Variants in SVIL observed in about 807,000 individuals in gnomAD.
SVIL encodes archvillin.
SVIL carries 101 observed loss-of-function variants against 240.4 expected under a neutral mutation model. The observed-to-expected ratio is 0.42, with a 90% CI of 0.36 to 0.50. SVIL has a LOEUF of 0.50. Among genes scored for constraint, SVIL ranks in the 20% least tolerant of loss-of-function variants. SVIL has a pLI of 0.01. For synonymous variants in SVIL, 999 were observed against 1,100.0 expected (o/e 0.91, Z 1.82); for missense variants, 2,512 against 2,818.7 (o/e 0.89, Z 2.46).
intron 1 of SVIL, among the ~76,000 whole-genome samples, chr10:29,582,426 A>G (rs1311642987): frequency 2.0e-5 from 3 of 152,080 alleles, no homozygotes; most frequent in Admixed American, 6.6e-5. Context: ...TTAAACAATG[A>G]TGTGACGAAT....
intron 2 of SVIL, among the ~76,000 whole-genome samples, chr10:29,678,627 T>C (rs941774726): frequency 6.6e-6 from 1 of 152,234 alleles, no homozygotes; most frequent in African/African-American, 2.4e-5. Context: ...GGCAGGTGTA[T>C]GTTGATTTAG....
intron 1 of SVIL, among the ~76,000 whole-genome samples, chr10:29,618,256 C>T (rs900451791): frequency 1.3e-5 from 2 of 152,148 alleles, no homozygotes; most frequent in Admixed American, 6.5e-5. Context: ...GACCTCAACT[C>T]GTAATTTTTG....
chr10:29,628,802 A>T (rs747564079), intron 1 of SVIL, among the ~76,000 whole-genome samples: 32 of 152,182 alleles, frequency 2.1e-4, no homozygotes, highest in Non-Finnish European at 4.0e-4. Context: ...AGGATTTTTT[A>T]AAAAATCTTA....
chr10:29,550,645 C>T lies in SVIL; in HGVS notation c.779G>A (p.Arg260Gln), dbSNP rs763834130. 13 of 1,613,570 alleles carry T rather than the reference C, an allele frequency of 8.1e-6. No homozygotes were observed. The highest frequency in any genetic ancestry group is 6.7e-5 in the East Asian group (3 of 44,854). ...CTGTGGGTCACCAAAGGAGGGGCTC[C>T]GGGAGGCTGCCTGCTGCAGGGAGGA... ...HSSSLQQAASRSPSFGDPQLS... is the reference protein window; with the variant it reads ...HSSSLQQAASQSPSFGDPQLS... The change falls in exon 6 of 38, where the codon CGG (arginine) becomes CAG (glutamine). Residue 260 changes from arginine to glutamine, a missense_variant. By Grantham distance (43) the Arg-to-Gln change is conservative. Around this residue, in one of 3 missense-constraint regions of SVIL, gnomAD observed 1,443 missense variants for 1,486.6 expected, o/e 0.97. Coordinates refer to ENST00000355867, the MANE Select transcript of SVIL (RefSeq NM_021738.3).
intron 1 of SVIL, among the ~76,000 whole-genome samples, chr10:29,708,440 GT>G (rs1340643846): frequency 5.3e-5 from 8 of 151,320 alleles, no homozygotes; most frequent in African/African-American, 1.9e-4. Flanking sequence ...GGCCAACATG[GT>G]GAAACCCTGT....
chr10:29,628,852 A>G (rs1176366013), intron 1 of SVIL, among the ~76,000 whole-genome samples: 4 of 152,230 alleles, frequency 2.6e-5, no homozygotes, highest in Non-Finnish European at 5.9e-5. Flanking sequence ...GCAAAGAGAC[A>G]GAAAATGATT....
intron 1 of SVIL, among the ~76,000 whole-genome samples, chr10:29,704,860 G>A (rs903710759): frequency 5.9e-5 from 9 of 152,226 alleles, no homozygotes; most frequent in East Asian, 1.9e-4. Flanking sequence ...GAGTCCTGGG[G>A]ATTTTCAGGG....
At chr10:29,712,395 G>A (rs1963352894) in intron 1 of SVIL, among the ~76,000 whole-genome samples, 3 of 152,236 alleles carry the variant, frequency 2.0e-5, no homozygotes, top group South Asian at 2.1e-4. Context: ...AAGAGCCTGC[G>A]ACCTTAGCTG....
At chr10:29,727,795 C>A (rs1383752712) in intron 1 of SVIL, among the ~76,000 whole-genome samples, 2 of 150,828 alleles carry the variant, frequency 1.3e-5, no homozygotes, top group Non-Finnish European at 3.0e-5. Flanking sequence ...TATATTTTTG[C>A]AGGGAACAAG....
intron 6 of SVIL, chr10:29,545,185 C>G (rs1410473): frequency 0.34 from 167,236 of 487,356 alleles, 29,392 homozygotes; most frequent in Admixed American, 0.4. Flanking sequence ...ACTAAAATCT[C>G]TCATCAGGAG....
At chr10:29,686,497 C>T (rs1235653393) in intron 2 of SVIL, 5 of 152,218 alleles carry the variant, frequency 3.3e-5, no homozygotes, top group Non-Finnish European at 7.3e-5. Context: ...TTTGCTGCTA[C>T]TGCAGCTGAA....
At chr10:29,720,630 A>C (rs1963914107) in intron 1 of SVIL, among the ~76,000 whole-genome samples, 1 of 152,244 alleles carries the variant, frequency 6.6e-6, no homozygotes, top group African/African-American at 2.4e-5. Context: ...TAAATACATA[A>C]GAGCTTTCTC....
intron 2 of SVIL, among the ~76,000 whole-genome samples, chr10:29,671,265 TCTC>T (rs1454277153): frequency 3.9e-5 from 6 of 152,102 alleles, no homozygotes; most frequent in South Asian, 4.1e-4. Flanking sequence ...AAGAGAAAAA[TCTC>T]CTCTTAGTCA....
At chr10:29,508,989 T>C (rs1405926201) in intron 17 of SVIL, among the ~76,000 whole-genome samples, 1 of 152,208 alleles carries the variant, frequency 6.6e-6, no homozygotes, top group Non-Finnish European at 1.5e-5. Flanking sequence ...TGAAAATAAA[T>C]ACATAACTGA....
chr10:29,732,043 C>T (rs1169797444), intron 1 of SVIL, among the ~76,000 whole-genome samples: 1 of 152,230 alleles, frequency 6.6e-6, no homozygotes, highest in Non-Finnish European at 1.5e-5. Flanking sequence ...TGGAGTGCAA[C>T]AAGTGGCTAC....
At chr10:29,470,559 G>T in intron 31 of SVIL, 76 bp from the exon 32 acceptor site, 1 of 1,546,888 alleles carries the variant, frequency 6.5e-7, no homozygotes, top group Non-Finnish European at 8.8e-7. Context: ...CCTAGTGTCC[G>T]CTGTGTCGTC....
At chr10:29,694,231 C>CA (rs61095076) in intron 1 of SVIL, among the ~76,000 whole-genome samples, 41,402 of 99,664 alleles carry the variant, frequency 0.42, 7,484 homozygotes, top group Admixed American at 0.5. Context: ...CTGTGTCTAC[C>CA]AAAAAAAAAA....
At chr10:29,607,497 T>C (rs964247613) in intron 1 of SVIL, among the ~76,000 whole-genome samples, 1 of 143,864 alleles carries the variant, frequency 7.0e-6, no homozygotes, top group South Asian at 2.3e-4. Context: ...ATTTAGAACA[T>C]GATTTTTTTT....
At chr10:29,506,995 T>G (rs185725309) in intron 17 of SVIL, among the ~76,000 whole-genome samples, 2 of 152,262 alleles carry the variant, frequency 1.3e-5, no homozygotes, top group Admixed American at 1.3e-4. Context: ...AAACCAGCCA[T>G]TCCTATTTTT....
Sources: allele counts gnomAD v4.1 joint callset (sites outside exome capture counted in the v4.1 genomes callset), GRCh38; gene constraint gnomAD v4.1.1; regional missense constraint gnomAD v4.1.1; transcripts MANE v1.5; gene names NCBI Gene and HGNC (gene_info 2026-07-23, HGNC 2026-07-21).